Variants in EXO1 observed in about 807,000 individuals in gnomAD.
EXO1 encodes the protein exonuclease 1.
In EXO1, 69 loss-of-function variants were observed where a neutral mutation model predicts 84.5. The observed-to-expected ratio is 0.82, with a 90% CI of 0.67 to 1.00. The LOEUF is 1.00. Among genes scored for constraint, EXO1 ranks in the 50% least tolerant of loss-of-function variants. EXO1 has a pLI of 0.00. For missense variants in EXO1, 1,045 were observed against 1,000.7 expected (o/e 1.04, Z -0.60); for synonymous variants, 373 against 366.1 (o/e 1.02, Z -0.21).
rs1197219311 is a variant in EXO1 at position 241,866,933 on chromosome 1, G to A, written c.1145G>A (p.Gly382Asp). 1 of 1,614,050 alleles carries A rather than the reference G, an allele frequency of 6.2e-7. No homozygotes were observed. Among genetic ancestry groups the A allele is most frequent in the South Asian group, 1.1e-5 (1 of 91,078 alleles). The change falls in exon 11 of 16, where the codon GGT (glycine) becomes GAT (aspartate). Residue 382 changes from glycine (G) to aspartate (D), a missense_variant. Gly to Asp is a moderately conservative substitution (Grantham distance 94). Transcript: ENST00000366548. ...AATTACTCTCCCAGACCAGAGTCGG[G>A]TACTGTTTCAGATGCCCCACAATTG... ...HRNYSPRPES[G>D]TVSDAPQLKE...
rs1258568613 is a variant in EXO1 at position 241,889,481 on chromosome 1, C to T, written c.2422C>T (p.Pro808Ser). The T allele has an allele frequency of 1.2e-6, 2 of 1,613,338 alleles. No homozygotes were observed. The highest frequency in any genetic ancestry group is 1.7e-6 in the Non-Finnish European group (2 of 1,179,410). ...FGFKKDSEKL[P>S]PCKKPLSPVR... ...ATTTTGCAGAGATTCTGAAAAGCTT[C>T]CTCCTTGTAAGAAACCCCTGTCCCC... The change falls in exon 16 of 16, where the codon CCT becomes TCT. Residue 808 changes from proline (P) to serine (S), a missense_variant. Transcript: ENST00000366548.
At chr1:241,864,654 T>C (rs991719753) in intron 10 of EXO1, among the ~76,000 whole-genome samples, 1 of 152,218 alleles carries the variant, frequency 6.6e-6, no homozygotes, top group Non-Finnish European at 1.5e-5. Flanking sequence ...GTAGGTGGAA[T>C]TGGCTTCTCT....
At position 241,853,469 on chromosome 1, in the gene EXO1, C is replaced by T. The variant is rs777870811; in HGVS notation, c.393C>T (p.His131=). 1.3e-5 allele frequency: 21 copies of T among 1,613,856 alleles called. No individual in the cohort carries two copies. Among genetic ancestry groups the T allele is most frequent in the Non-Finnish European group, 1.8e-5 (21 of 1,179,976 alleles). Reference sequence around the variant, plus strand: ...TCAATATCACACATGCCATGGCCCACAAAGTAATTAAAGTAAGACAAAGGG... The same window carrying T: ...TCAATATCACACATGCCATGGCCCATAAAGTAATTAAAGTAAGACAAAGGG... The part of the protein sequence containing the change: ...RSINITHAMA[H]KVIKAARSQG... Residue 131 remains histidine (H), a synonymous_variant, in exon 6 of 16, where the codon CAC becomes CAT. Transcript: ENST00000366548.
chr1:241,886,407 TAAAAG>T (rs1304912631), intron 15 of EXO1, among the ~76,000 whole-genome samples: 1 of 152,198 alleles, frequency 6.6e-6, no homozygotes, highest in East Asian at 1.9e-4. Flanking sequence ...TTGTTCTCAA[TAAAAG>T]AAATGTGCTG....
intron 4 of EXO1, among the ~76,000 whole-genome samples, chr1:241,850,836 CTTTTT>C (rs10641736): frequency 1.2e-4 from 13 of 105,096 alleles, no homozygotes; most frequent in African/African-American, 3.7e-4. Flanking sequence ...CTCCTTTATT[CTTTTT>C]TTTTTTTTTT....
In EXO1 at chr1:241,857,441, A is replaced by G; in HGVS notation, c.502A>G (p.Ile168Val). The G allele has an allele frequency of 6.2e-7, 1 of 1,614,086 alleles. No homozygotes were observed. The highest frequency in any genetic ancestry group is 8.5e-7 in the Non-Finnish European group (1 of 1,179,992). Residue 168 changes from isoleucine to valine, a missense_variant, in exon 7 of 16, where the codon ATT becomes GTT. Ile to Val is a conservative substitution (Grantham distance 29). Coordinates refer to ENST00000366548, the MANE Select transcript of EXO1 (RefSeq NM_130398.4). ...CAAAGCGGGAATTGTGCAAGCCATA[A>G]TTACAGAGGACTCGGATCTCCTAGC... is the stretch of plus-strand genomic sequence containing the variant. ...LNKAGIVQAI[I>V]TEDSDLLAFG...
At chr1:241,865,795 G>A (rs1291139299) in intron 10 of EXO1, among the ~76,000 whole-genome samples, 1 of 152,150 alleles carries the variant, frequency 6.6e-6, no homozygotes, top group African/African-American at 2.4e-5. Flanking sequence ...AACCATCAGT[G>A]GGATCTAATG....
intron 9 of EXO1, 112 bp from the exon 10 acceptor site, chr1:241,861,294 A>G (rs994408043): frequency 1.3e-5 from 9 of 700,716 alleles, no homozygotes; most frequent in African/African-American, 8.8e-5. Flanking sequence ...GACTCCATTT[A>G]AGTCATAAAC....
rs1371890649 is a variant in EXO1, at chr1:241,848,600, TC to T, written c.-419-129del. ...GGAGGGAGATAAGAGAGCAGACGATTCCGGGCTGGAGCAGGCGCCAGGGTTG... is the reference window on the plus strand; with the variant it reads ...GGAGGGAGATAAGAGAGCAGACGATTCGGGCTGGAGCAGGCGCCAGGGTTG... On this transcript the variant is annotated intron_variant, in intron 1 of 15. Coordinates refer to ENST00000366548, the MANE Select transcript of EXO1 (RefSeq NM_130398.4). This position sits in a 1 kb window ranked among gnomAD's most constrained non-coding sequence, Gnocchi z 4.2. 3 of 152,250 alleles carry T rather than the reference TC, an allele frequency of 2.0e-5. No individual in the cohort carries two copies. The highest frequency in any genetic ancestry group is 7.2e-5 in the African/African-American group (3 of 41,466). 9.4% of individuals were successfully genotyped at this position (152,250 alleles called of 1,614,324 possible).
chr1:241,854,585 G>A (rs1241418476), intron 6 of EXO1: 2 of 152,326 alleles, frequency 1.3e-5, no homozygotes, highest in Non-Finnish European at 2.9e-5. Context: ...CAAGCTAGAA[G>A]GAAACGATGC....
chr1:241,876,934 A>G (rs927177055), intron 12 of EXO1, among the ~76,000 whole-genome samples: 2 of 152,216 alleles, frequency 1.3e-5, no homozygotes, highest in Non-Finnish European at 2.9e-5. Context: ...TTTATAAAAA[A>G]TGGATGATTA....
At chr1:241,871,929 T>TA (rs1274577382) in intron 11 of EXO1, 103 bp from the exon 12 acceptor site, 4 of 759,186 alleles carry the variant, frequency 5.3e-6, no homozygotes, top group Admixed American at 2.9e-5. Flanking sequence ...TTTTTTTTTT[T>TA]AAAGTCCTTA....
chr1:241,871,389 G>C (rs891195717), intron 11 of EXO1, among the ~76,000 whole-genome samples: 11 of 152,184 alleles, frequency 7.2e-5, no homozygotes, highest in African/African-American at 2.4e-4. Context: ...ATTAGTCAAA[G>C]TAATTCAAAG....
At position 241,889,740 on chromosome 1, in the gene EXO1, A is replaced by G. The variant is rs851797; in HGVS notation, c.*140A>G. 619,715 of 809,600 alleles carry G rather than the reference A, an allele frequency of 0.77. 241,733 individuals are homozygous for G. The highest frequency in any genetic ancestry group is 0.82 in the Non-Finnish European group (393,367 of 480,996). The allele number at this position is 809,600 out of a possible 1,614,324, so 50.2% of individuals were successfully genotyped here. A position where few individuals can be genotyped will look rare whatever the true frequency, so the allele number is the denominator to read the frequency against. On this transcript the variant is annotated 3_prime_UTR_variant, in exon 16 of 16. Transcript: ENST00000366548. ...AAAAATAGAATACATTTTGTATATT[A>G]ACTTTATAATTGGGTTGTGGTTTTT... is the stretch of plus-strand genomic sequence containing the variant.
At chr1:241,849,892 G>A (rs1045170609) in intron 3 of EXO1, among the ~76,000 whole-genome samples, 7 of 152,236 alleles carry the variant, frequency 4.6e-5, no homozygotes, top group African/African-American at 1.7e-4. Flanking sequence ...GGCATTAGAG[G>A]TAGTATTAGT....
intron 6 of EXO1, among the ~76,000 whole-genome samples, 164 bp from the exon 7 acceptor site, chr1:241,857,181 T>A (rs374845851): frequency 1.3e-5 from 2 of 152,242 alleles, no homozygotes; most frequent in Non-Finnish European, 2.9e-5. Context: ...GTTCAACATA[T>A]ACTAAAACTT....
chr1:241,886,432 A>AT (rs1185024135), intron 15 of EXO1, among the ~76,000 whole-genome samples: 1 of 152,200 alleles, frequency 6.6e-6, no homozygotes, highest in Non-Finnish European at 1.5e-5. Flanking sequence ...GTTTAATAAA[A>AT]GTTTTTTTTA....
Position 241,861,674 on chromosome 1 carries a change from T to C in EXO1, c.1041+172T>C, listed in dbSNP as rs148949114. 3.9e-5 allele frequency among the ~76,000 whole-genome samples: 6 copies of C among 152,332 alleles called. No homozygotes were observed. In the East Asian group the frequency reaches 1.2e-3, roughly 29 times the overall value. ...TAGAGAAATTACATGTATTAGAGCA[T>C]AGGTATATTGGTTAATTTTTTAAAA... is the stretch of plus-strand genomic sequence containing the variant. On this transcript the variant is annotated intron_variant, in intron 10 of 15. Transcript: ENST00000366548.
At chr1:241,859,514 T>G (rs1199729859) in intron 8 of EXO1, among the ~76,000 whole-genome samples, 1 of 152,000 alleles carries the variant, frequency 6.6e-6, no homozygotes, top group African/African-American at 2.4e-5. Context: ...ATAAATTGAG[T>G]TTTTTTTCTT....
Sources: gnomAD v4.1 joint callset for allele counts (sites outside exome capture counted in the v4.1 genomes callset) on GRCh38, gnomAD v4.1.1 for gene constraint, Gnocchi (gnomAD v3.1) non-coding constraint, MANE v1.5 for transcripts, NCBI Gene and HGNC (gene_info 2026-07-23, HGNC 2026-07-21) for gene names.